The following TTC12 variants were observed in gnomAD, a reference collection of about 807,000 sequenced individuals.
TTC12 encodes tetratricopeptide repeat domain 12, also known as tetratricopeptide repeat protein 12.
TTC12 carries 70 observed loss-of-function variants against 90.1 expected under a neutral mutation model. That is an observed-to-expected ratio of 0.78 (90% CI 0.64 to 0.95). The LOEUF is 0.95. Ranked by LOEUF, TTC12 falls within the 40% of genes least tolerant of loss-of-function variation. The pLI, the probability that TTC12 is intolerant of heterozygous loss-of-function variation, is 0.00. For synonymous variants in TTC12, 296 were observed against 311.5 expected (o/e 0.95, Z 0.53); for missense variants, 819 against 846.1 (o/e 0.97, Z 0.40).
At chr11:113,350,356 T>A (rs1341055430) in intron 14 of TTC12, among the ~76,000 whole-genome samples, 191 bp downstream of exon 14, 1 of 152,186 alleles carries the variant, frequency 6.6e-6, no homozygotes, top group Non-Finnish European at 1.5e-5. Flanking sequence ...TCACTCTGCA[T>A]AGAGGCTGAC....
chr11:113,319,821 A>G (rs886365400), intron 2 of TTC12, among the ~76,000 whole-genome samples: 3 of 152,214 alleles, frequency 2.0e-5, no homozygotes, highest in Non-Finnish European at 4.4e-5. Flanking sequence ...ATTTGCACAC[A>G]TAACAGGGAT....
At chr11:113,333,348 G>A (rs1555143082) in intron 7 of TTC12, among the ~76,000 whole-genome samples, 1 of 152,088 alleles carries the variant, frequency 6.6e-6, no homozygotes, top group African/African-American at 2.4e-5. Flanking sequence ...GTGTCACTAA[G>A]ACTCAGCCCA....
chr11:113,325,674 G>A, intron 6 of TTC12, 29 bp downstream of exon 6: 1 of 1,609,384 alleles, frequency 6.2e-7, no homozygotes, highest in Non-Finnish European at 8.5e-7. Context: ...TATCCATGGG[G>A]CTTTCTCAGG....
At chr11:113,339,211 A>G in intron 9 of TTC12, 75 bp from the exon 10 acceptor site, 1 of 1,289,834 alleles carries the variant, frequency 7.8e-7, no homozygotes, top group Non-Finnish European at 1.1e-6. Context: ...AAAGAAAGGA[A>G]AAAAAAAGGT....
intron 1 of TTC12, among the ~76,000 whole-genome samples, chr11:113,315,647 CA>C (rs537827010): frequency 9.9e-5 from 15 of 152,262 alleles, no homozygotes; most frequent in African/African-American, 3.6e-4. Flanking sequence ...CCTTCTCGCA[CA>C]AAAACAACTG....
chr11:113,360,286 G>A (rs547109102), intron 18 of TTC12, among the ~76,000 whole-genome samples: 7 of 151,962 alleles, frequency 4.6e-5, no homozygotes, highest in East Asian at 1.9e-4. Flanking sequence ...TCCCCCTTCC[G>A]TATGGTCTGA....
intron 2 of TTC12, among the ~76,000 whole-genome samples, chr11:113,316,569 C>T (rs1405889140): frequency 6.6e-6 from 1 of 152,168 alleles, no homozygotes; most frequent in Non-Finnish European, 1.5e-5. Context: ...ATTTTGTATC[C>T]TTCTATGTGG....
chr11:113,326,454 G>A (rs1304839759), intron 6 of TTC12, among the ~76,000 whole-genome samples: 1 of 152,276 alleles, frequency 6.6e-6, no homozygotes, highest in East Asian at 1.9e-4. Flanking sequence ...TGGACTTGAT[G>A]CCCTGTCATT....
At position 113,350,918 on chromosome 11, in the gene TTC12, A is replaced by G. The variant is rs192732159; in HGVS notation, c.1248-321A>G. Among the ~76,000 whole-genome samples the G allele has an allele frequency of 3.0e-3, 456 of 152,326 alleles. 3 individuals carry two copies. Among genetic ancestry groups the G allele is most frequent in the African/African-American group, 0.011 (443 of 41,580 alleles). On this transcript the variant is annotated intron_variant, in intron 14 of 21. Transcript: ENST00000529221. ...GCATGGTATTTGCCTTCCGCACCGC[A>G]CACACACGCTGTAGACTCAGAGCAG...
Position 113,359,814 on chromosome 11 carries a change from G to T in TTC12, c.1546-126G>T, listed in dbSNP as rs1949816580. The T allele has an allele frequency of 2.9e-6, 2 of 701,566 alleles. 1 individual carries two copies. Among genetic ancestry groups the T allele is most frequent in the Non-Finnish European group, 4.9e-6 (2 of 407,164 alleles). 43.5% of individuals were successfully genotyped at this position (701,566 alleles called of 1,614,324 possible). ...AGGAATAAAAGCAGTAAAAGATGGT[G>T]TTGTGAGGGAACCTGGGCATAGTGT... On this transcript the variant is annotated intron_variant, in intron 17 of 21. Coordinates refer to ENST00000529221, the MANE Select transcript of TTC12 (RefSeq NM_017868.4).
intron 19 of TTC12, 37 bp from the exon 20 acceptor site, chr11:113,363,791 A>G (rs1035456288): frequency 4.2e-6 from 6 of 1,434,686 alleles, no homozygotes; most frequent in Admixed American, 3.4e-5. Flanking sequence ...CAATCATAGC[A>G]CTGATTTTAT....
chr11:113,350,807 G>T (rs1949237611), intron 14 of TTC12, among the ~76,000 whole-genome samples: 1 of 152,230 alleles, frequency 6.6e-6, no homozygotes, highest in African/African-American at 2.4e-5. Flanking sequence ...AGCTGGCACG[G>T]GCCGGGGTAT....
At chr11:113,356,744 A>G (rs200082486) in intron 16 of TTC12, among the ~76,000 whole-genome samples, 2 of 152,248 alleles carry the variant, frequency 1.3e-5, no homozygotes, top group East Asian at 3.9e-4. Flanking sequence ...AATGATGTTG[A>G]ATATTGGCCT....
intron 11 of TTC12, among the ~76,000 whole-genome samples, chr11:113,341,000 C>T (rs868931815): frequency 2.0e-5 from 3 of 152,132 alleles, no homozygotes; most frequent in African/African-American, 4.8e-5. Flanking sequence ...GAGGTCAAGG[C>T]GGGCGGATCA....
chr11:113,362,560 C>T (rs764697272), intron 19 of TTC12, 58 bp downstream of exon 19: 48 of 1,193,234 alleles, frequency 4.0e-5, no homozygotes, highest in Non-Finnish European at 5.4e-5. Context: ...CTATTTTATT[C>T]GGGGAACAGA....
rs149287708 is a variant in TTC12 at position 113,373,185 on chromosome 11, A to G, written c.*182A>G. On this transcript the variant is annotated 3_prime_UTR_variant, in exon 22 of 22. Transcript: ENST00000314756. Reference sequence around the variant, plus strand: ...GTCCAAGATCTAGACCAGGTACTCAACCACCCCACTCCACATGCAACTGTC... The same window carrying G: ...GTCCAAGATCTAGACCAGGTACTCAGCCACCCCACTCCACATGCAACTGTC... The G allele has an allele frequency of 1.5e-4, 146 of 985,262 alleles. No individual in the cohort carries two copies. In the Middle Eastern group the frequency reaches 2.6e-3, roughly 17 times the overall value. The allele number at this position is 985,262 out of a possible 1,614,324, so 61.0% of individuals were successfully genotyped here. A position where few individuals can be genotyped will look rare whatever the true frequency, so the allele number is the denominator to read the frequency against.
At chr11:113,320,534 C>G (rs1252803875) in intron 2 of TTC12, among the ~76,000 whole-genome samples, 4 of 152,182 alleles carry the variant, frequency 2.6e-5, no homozygotes, top group Admixed American at 2.6e-4. Flanking sequence ...CCCCATCCAT[C>G]CCACTGAAAG....
At chr11:113,349,378 G>T (rs1273966653) in intron 13 of TTC12, among the ~76,000 whole-genome samples, 1 of 152,322 alleles carries the variant, frequency 6.6e-6, no homozygotes, top group East Asian at 1.9e-4. Flanking sequence ...ATGCAAGTTT[G>T]CTGGATGAAC....
intron 16 of TTC12, among the ~76,000 whole-genome samples, chr11:113,354,937 G>T (rs1949537326): frequency 6.6e-6 from 1 of 152,190 alleles, no homozygotes; most frequent in Non-Finnish European, 1.5e-5. Flanking sequence ...GTGTGTCTCT[G>T]CCAGGTTTGG....
Sources: allele counts gnomAD v4.1 joint callset (sites outside exome capture counted in the v4.1 genomes callset), GRCh38; gene constraint gnomAD v4.1.1; transcripts MANE v1.5; gene names NCBI Gene and HGNC (gene_info 2026-07-23, HGNC 2026-07-21).